The following ASIC2 variants were observed in gnomAD, a reference collection of about 807,000 sequenced individuals.
ASIC2 encodes acid-sensing ion channel 2.
Under a neutral mutation model 57.3 loss-of-function variants are expected in ASIC2, and 25 were observed. The observed-to-expected ratio is 0.44, with a 90% CI of 0.32 to 0.61. The LOEUF (loss-of-function observed/expected upper bound fraction) is 0.61. Ranked by LOEUF, ASIC2 falls within the 20% of genes least tolerant of loss-of-function variation. ASIC2 has a pLI of 0.06. For synonymous variants in ASIC2, 319 were observed against 307.5 expected, an observed-to-expected ratio of 1.04 and a Z score of -0.39; for missense variants, 641 against 738.1, an observed-to-expected ratio of 0.87 and a Z score of 1.52.
chr17:33,830,988 T>C (rs973596658), intron 1 of ASIC2, among the ~76,000 whole-genome samples: 8 of 151,344 alleles, frequency 5.3e-5, no homozygotes, highest in African/African-American at 1.9e-4. Flanking sequence ...CATGCACCTG[T>C]AATCCCAGCT....
chr17:33,985,495 T>C (rs997673295), intron 1 of ASIC2, among the ~76,000 whole-genome samples: 5 of 152,184 alleles, frequency 3.3e-5, no homozygotes, highest in Non-Finnish European at 7.4e-5. Context: ...AGAGAGGTTT[T>C]AGAATACTGG....
At chr17:33,235,082 A>G (rs1387459476) in intron 1 of ASIC2, among the ~76,000 whole-genome samples, 1 of 152,202 alleles carries the variant, frequency 6.6e-6, no homozygotes, top group African/African-American at 2.4e-5. Context: ...ACTTGCCTAT[A>G]GCCCTCTGTT....
At chr17:33,699,044 G>C (rs1908616820) in intron 1 of ASIC2, among the ~76,000 whole-genome samples, 1 of 152,110 alleles carries the variant, frequency 6.6e-6, no homozygotes, top group Non-Finnish European at 1.5e-5. Context: ...TTCCTAAAGG[G>C]GTCTGTTCAG....
chr17:33,013,732 A>T lies in ASIC2; in HGVS notation c.*233T>A, dbSNP rs994726105. 12 of 559,554 alleles carry T rather than the reference A, an allele frequency of 2.1e-5. No individual in the cohort carries two copies. The highest frequency in any genetic ancestry group is 3.5e-5 in the Non-Finnish European group (11 of 311,900). 34.7% of individuals were successfully genotyped at this position (559,554 alleles called of 1,614,324 possible). On this transcript the variant is annotated 3_prime_UTR_variant, in exon 10 of 10. Transcript: ENST00000225823. ...GATGTGATGGCAGGTTCGTTCTTGG[A>T]CAGTTCCAGAGTGTGACTCATCTCT...
chr17:34,140,453 C>G (rs1048763623), intron 1 of ASIC2, among the ~76,000 whole-genome samples: 1 of 152,142 alleles, frequency 6.6e-6, no homozygotes, highest in Non-Finnish European at 1.5e-5. Context: ...CCTAGTAGTA[C>G]TGAGCATACC....
chr17:34,023,378 AAC>A (rs59456457), intron 1 of ASIC2, among the ~76,000 whole-genome samples: 15,232 of 147,366 alleles, frequency 0.1, 1,931 homozygotes, highest in African/African-American at 0.3. Context: ...CTCTGTCACA[AAC>A]ACACACACAC....
chr17:34,112,736 G>GCCCC (rs1555598775), intron 1 of ASIC2, among the ~76,000 whole-genome samples: 1 of 152,134 alleles, frequency 6.6e-6, no homozygotes, highest in East Asian at 1.9e-4. Context: ...GCTCCCTGAA[G>GCCCC]CCTCTTAGGA....
intron 1 of ASIC2, among the ~76,000 whole-genome samples, chr17:33,663,830 A>G (rs1327920589): frequency 6.6e-6 from 1 of 152,130 alleles, no homozygotes; most frequent in Non-Finnish European, 1.5e-5. Context: ...TGCTCTCATT[A>G]TTAATCTCTC....
At chr17:34,132,253 C>T (rs1032518465) in intron 1 of ASIC2, among the ~76,000 whole-genome samples, 9 of 152,094 alleles carry the variant, frequency 5.9e-5, no homozygotes, top group African/African-American at 1.9e-4. Context: ...AGAACGAAGC[C>T]GGGGACCTTT....
At chr17:33,789,063 A>G (rs1052377643) in intron 1 of ASIC2, among the ~76,000 whole-genome samples, 3 of 152,096 alleles carry the variant, frequency 2.0e-5, no homozygotes, top group Non-Finnish European at 4.4e-5. Context: ...ACACCTTCCC[A>G]TCTCTGGCTG....
intron 1 of ASIC2, among the ~76,000 whole-genome samples, chr17:33,804,121 CT>C (rs1367289314): frequency 1.3e-5 from 2 of 152,188 alleles, no homozygotes; most frequent in Non-Finnish European, 1.5e-5. Context: ...TGTTATTACC[CT>C]TATGTCCTGG....
intron 7 of ASIC2, 80 bp from the exon 8 acceptor site, chr17:33,017,764 A>G (rs754956334): frequency 7.3e-7 from 1 of 1,361,444 alleles, no homozygotes; most frequent in Non-Finnish European, 1.0e-6. Context: ...TGCAACCCAG[A>G]CCTTCTGAAT....
intron 1 of ASIC2, among the ~76,000 whole-genome samples, chr17:33,556,194 A>T (rs1289637240): frequency 6.6e-6 from 1 of 152,192 alleles, no homozygotes; most frequent in Admixed American, 6.5e-5. Flanking sequence ...TACCACCCTA[A>T]GGCTATCAAC....
chr17:33,526,551 C>T (rs1050435426), intron 1 of ASIC2, among the ~76,000 whole-genome samples: 12 of 152,070 alleles, frequency 7.9e-5, no homozygotes, highest in African/African-American at 2.2e-4. Flanking sequence ...TTCTCTTATA[C>T]GTTCTAGCTC....
intron 1 of ASIC2, chr17:34,005,136 T>G (rs893134526): frequency 6.6e-6 from 1 of 152,114 alleles, no homozygotes; most frequent in Non-Finnish European, 1.5e-5. Context: ...AAGATTCATC[T>G]TCATAAAAGT....
intron 1 of ASIC2, among the ~76,000 whole-genome samples, chr17:33,171,875 C>T (rs926316944): frequency 6.6e-6 from 1 of 152,170 alleles, no homozygotes; most frequent in Non-Finnish European, 1.5e-5. Context: ...AAACCTTGTT[C>T]CGTCTGCCTG....
intron 1 of ASIC2, among the ~76,000 whole-genome samples, chr17:33,472,304 G>A (rs113181055): frequency 1.3e-5 from 2 of 152,152 alleles, no homozygotes; most frequent in African/African-American, 4.8e-5. Context: ...ACAGGTGTGA[G>A]CCACTGTCCC....
At chr17:33,067,037 G>T (rs1472949405) in intron 3 of ASIC2, among the ~76,000 whole-genome samples, 1 of 152,164 alleles carries the variant, frequency 6.6e-6, no homozygotes, top group Non-Finnish European at 1.5e-5. Flanking sequence ...TGAAGGAAGG[G>T]CATCACTGGC....
intron 1 of ASIC2, among the ~76,000 whole-genome samples, chr17:34,033,358 C>T (rs889822395): frequency 2.0e-5 from 3 of 151,962 alleles, no homozygotes; most frequent in South Asian, 2.1e-4. Context: ...GGGACACATT[C>T]AAAGCAGTGT....
Sources: gnomAD v4.1 joint callset for allele counts (sites outside exome capture counted in the v4.1 genomes callset) on GRCh38, gnomAD v4.1.1 for gene constraint, MANE v1.5 for transcripts, NCBI Gene and HGNC (gene_info 2026-07-23, HGNC 2026-07-21) for gene names.